Variants in ZNG1A observed in about 807,000 individuals in gnomAD.
ZNG1A encodes the protein zinc-regulated GTPase metalloprotein activator 1A.
At chr9:147,117 G>T in the ZNG1A span, 1 of 148,408 alleles carries the variant, frequency 6.7e-6, no homozygotes, top group Non-Finnish European at 1.5e-5. Context: ...AGTGGAGGTT[G>T]CAGTGAGCCA....
the ZNG1A span, chr9:172,205 T>C: frequency 1.2e-6 from 2 of 1,608,018 alleles, no homozygotes; most frequent in Non-Finnish European, 1.7e-6. Context: ...TTACAGTTAA[T>C]TACCTAAATA....
At chr9:166,786 C>T in the ZNG1A span, 729 of 151,960 alleles carry the variant, frequency 4.8e-3, 2 homozygotes, top group African/African-American at 0.016. Flanking sequence ...CTGGAGAAAA[C>T]AGAATTATTG....
chr9:171,235 T>A, the ZNG1A span, among the ~76,000 whole-genome samples: 1 of 152,154 alleles, frequency 6.6e-6, no homozygotes. Context: ...ACTCTCAGGA[T>A]ACTTCAATAT....
chr9:120,921 T>G, the ZNG1A span: 1 of 164,758 alleles, frequency 6.1e-6, no homozygotes, highest in African/African-American at 2.4e-5. Context: ...GTGTGGGCTG[T>G]GCATAGTGAT....
chr9:141,684 C>A, the ZNG1A span, among the ~76,000 whole-genome samples: 1 of 151,716 alleles, frequency 6.6e-6, no homozygotes, highest in African/African-American at 2.4e-5. Context: ...CAAATTCACA[C>A]ATAACGATAT....
the ZNG1A span, chr9:150,638 A>T: frequency 1.0e-6 from 1 of 982,732 alleles, no homozygotes; most frequent in Non-Finnish European, 1.2e-6. Flanking sequence ...GGCAAGCACC[A>T]TACACTGAAT....
chr9:140,301 C>T, the ZNG1A span, among the ~76,000 whole-genome samples: 609 of 151,652 alleles, frequency 4.0e-3, 4 homozygotes, highest in Non-Finnish European at 5.3e-3. Flanking sequence ...TCTCCCAGCA[C>T]GCAGCTGGAG....
the ZNG1A span, among the ~76,000 whole-genome samples, chr9:132,356 A>G: frequency 7.5e-4 from 100 of 132,690 alleles, 2 homozygotes; most frequent in South Asian, 7.9e-3. Flanking sequence ...CTCTACTAAA[A>G]AAAAAAAAAA....
chr9:159,881 T>A, the ZNG1A span: 17 of 350,248 alleles, frequency 4.9e-5, no homozygotes, highest in South Asian at 3.5e-4. Flanking sequence ...TAAAAAATTA[T>A]TGCATAATGT....
chr9:123,881 T>C, the ZNG1A span: 1 of 156,422 alleles, frequency 6.4e-6, no homozygotes, highest in African/African-American at 2.4e-5. Flanking sequence ...GGAGTGAAGA[T>C]AACTATTTCA....
the ZNG1A span, chr9:121,598 T>G: frequency 6.3e-7 from 1 of 1,592,600 alleles, no homozygotes; most frequent in African/African-American, 1.3e-5. Flanking sequence ...AAATATGACG[T>G]GATTACATTA....
At chr9:137,596 A>G in the ZNG1A span, among the ~76,000 whole-genome samples, 2 of 151,730 alleles carry the variant, frequency 1.3e-5, no homozygotes, top group South Asian at 4.2e-4. Flanking sequence ...AAAAGAAGAA[A>G]AGGATCATCG....
At chr9:150,553 A>G in the ZNG1A span, 1 of 982,956 alleles carries the variant, frequency 1.0e-6, no homozygotes, top group Non-Finnish European at 1.2e-6. Context: ...TTCATTGAAA[A>G]GGATTCTAAT....
chr9:169,246 C>T, the ZNG1A span, among the ~76,000 whole-genome samples: 1 of 151,208 alleles, frequency 6.6e-6, no homozygotes, highest in Non-Finnish European at 1.5e-5. Context: ...TTCCAGACTT[C>T]AATGGAGGAA....
chr9:139,831 G>A, the ZNG1A span, among the ~76,000 whole-genome samples: 12 of 151,222 alleles, frequency 7.9e-5, no homozygotes, highest in African/African-American at 1.7e-4. Context: ...GAAGCAGGGC[G>A]AGGCATTGCC....
the ZNG1A span, among the ~76,000 whole-genome samples, chr9:127,206 G>C: frequency 6.8e-4 from 104 of 152,008 alleles, no homozygotes; most frequent in Non-Finnish European, 1.4e-3. Context: ...TTTGTTCCAA[G>C]GTATAGTTTA....
the ZNG1A span, chr9:154,940 T>C: frequency 2.4e-6 from 2 of 825,742 alleles, no homozygotes; most frequent in South Asian, 3.6e-5. Context: ...AATTATCTAG[T>C]GCTCTATAGG....
the ZNG1A span, chr9:156,601 T>C: frequency 7.1e-7 from 1 of 1,401,114 alleles, no homozygotes; most frequent in Non-Finnish European, 9.8e-7. Flanking sequence ...AGGATTTTAC[T>C]TTAGAGACAT....
chr9:143,313 G>A, the ZNG1A span, among the ~76,000 whole-genome samples: 2,147 of 145,272 alleles, frequency 0.015, 43 homozygotes, highest in African/African-American at 0.048. Flanking sequence ...CTGGCAAACC[G>A]AATCCAGCAG....
Sources: gnomAD v4.1 joint callset for allele counts (sites outside exome capture counted in the v4.1 genomes callset) on GRCh38, gnomAD v4.1.1 for gene constraint, MANE v1.5 for transcripts, NCBI Gene and HGNC (gene_info 2026-07-23, HGNC 2026-07-21) for gene names.